Variants in ZNF557 observed in about 807,000 individuals in gnomAD.
The protein encoded by ZNF557 is zinc finger protein 557, also known as CTB-25J19.9.
Under a neutral mutation model 21.2 loss-of-function variants are expected in ZNF557, and 19 were observed. That is an observed-to-expected ratio of 0.90 (90% CI 0.63 to 1.32). ZNF557 has a LOEUF of 1.32. Among genes scored for constraint, ZNF557 ranks in the 40% most tolerant of loss-of-function variants. The pLI is 0.00. For missense variants in ZNF557, 487 were observed against 519.8 expected (o/e 0.94, Z 0.61); for synonymous variants, 207 against 194.8 (o/e 1.06, Z -0.52).
rs11271612 is a variant in ZNF557, at chr19:7,087,202, CTTTTTTTTT to C, written c.*3474_*3482del. On this transcript the variant is annotated 3_prime_UTR_variant, in exon 8 of 8. Coordinates refer to ENST00000252840, the MANE Select transcript of ZNF557 (RefSeq NM_024341.3). Reference sequence around the variant, plus strand: ...GACACAAAGCATAGAGTTAAAAGAGCTTTTTTTTTTTTTTTTTTTTTTTTCTTCACTGTG... The same window carrying C: ...GACACAAAGCATAGAGTTAAAAGAGCTTTTTTTTTTTTTTTCTTCACTGTG... 6 of 51,690 alleles carry C rather than the reference CTTTTTTTTT, an allele frequency of 1.2e-4. No individual in the cohort carries two copies. The highest frequency in any genetic ancestry group is 8.7e-4 in the East Asian group (1 of 1,156). 3.2% of individuals were successfully genotyped at this position (51,690 alleles called of 1,614,324 possible).
intron 5 of ZNF557, among the ~76,000 whole-genome samples, chr19:7,079,780 G>T (rs958694152): frequency 1.3e-5 from 2 of 152,132 alleles, no homozygotes; most frequent in African/African-American, 4.8e-5. Flanking sequence ...ATTTGTCAGA[G>T]ATTTTTTTAA....
chr19:7,081,192 TGTGTGTGTGA>T (rs1164862590), intron 5 of ZNF557, among the ~76,000 whole-genome samples, 158 bp from the exon 6 acceptor site: 866 of 44,922 alleles, frequency 0.019, 17 homozygotes, highest in African/African-American at 0.1. Context: ...TGTGTGTGTG[TGTGTGTGTGA>T]GTGTTTAAGA....
intron 5 of ZNF557, among the ~76,000 whole-genome samples, chr19:7,081,023 T>C (rs574529177): frequency 8.5e-5 from 13 of 152,202 alleles, no homozygotes; most frequent in African/African-American, 3.1e-4. Context: ...GAAATGAAGA[T>C]CTCCTTCTTT....
intron 5 of ZNF557, 46 bp downstream of exon 5, chr19:7,076,553 C>CA: frequency 6.3e-7 from 1 of 1,583,252 alleles, no homozygotes; most frequent in Non-Finnish European, 8.6e-7. Context: ...CTCAGGAAGT[C>CA]AGTCTTTTTT....
chr19:7,075,305 T>A (rs963143486), intron 3 of ZNF557, among the ~76,000 whole-genome samples, 200 bp downstream of exon 3: 2 of 152,148 alleles, frequency 1.3e-5, no homozygotes, highest in African/African-American at 4.8e-5. Context: ...ACCTGTGTGG[T>A]GAATGTGCTG....
intron 2 of ZNF557, among the ~76,000 whole-genome samples, chr19:7,073,187 C>G (rs1977502329): frequency 7.1e-6 from 1 of 140,380 alleles, no homozygotes; most frequent in Non-Finnish European, 1.5e-5. Context: ...GAGTCTTACT[C>G]TCACCCAGGC....
chr19:7,070,086 T>A (rs935587957), intron 1 of ZNF557, among the ~76,000 whole-genome samples: 3 of 152,148 alleles, frequency 2.0e-5, no homozygotes, highest in Admixed American at 2.0e-4. Context: ...TGCTAGCAGC[T>A]CAGCATCCTG....
chr19:7,075,699 G>C lies in ZNF557; in HGVS notation c.76G>C (p.Glu26Gln), dbSNP rs775663962. ...AGCCTCTCAGCGAGAAGGACACACA[G>C]AGGGCGGAGAGCTGGTTAATGAGCT... is the stretch of plus-strand genomic sequence containing the variant. Reference protein sequence around the residue: ...FPASQREGHTEGGELVNELLK... With the variant: ...FPASQREGHTQGGELVNELLK... The change falls in exon 4 of 8, where the codon GAG (glutamate) becomes CAG (glutamine). Residue 26 changes from glutamate to glutamine, a missense_variant. By Grantham distance (29) the Glu-to-Gln change is conservative. Transcript: ENST00000252840. 49 of 1,613,670 alleles carry C rather than the reference G, an allele frequency of 3.0e-5. No individual in the cohort carries two copies. Among genetic ancestry groups the C allele is most frequent in the Non-Finnish European group, 3.8e-5 (45 of 1,179,726 alleles).
At chr19:7,072,725 C>T (rs938356844) in intron 2 of ZNF557, among the ~76,000 whole-genome samples, 4 of 152,174 alleles carry the variant, frequency 2.6e-5, no homozygotes, top group African/African-American at 9.7e-5. Context: ...GCTTCCCAGT[C>T]CCCTTCTTCC....
intron 4 of ZNF557, 33 bp from the exon 5 acceptor site, chr19:7,076,348 C>G (rs775850423): frequency 6.2e-7 from 1 of 1,614,040 alleles, no homozygotes. Flanking sequence ...GGGGGTGGTC[C>G]TTGGCTAAGC....
At chr19:7,079,072 T>G (rs1048617209) in intron 5 of ZNF557, among the ~76,000 whole-genome samples, 4 of 152,132 alleles carry the variant, frequency 2.6e-5, no homozygotes, top group African/African-American at 4.8e-5. Context: ...GAATTCATTC[T>G]CATGGTTTCC....
Position 7,075,338 on chromosome 19 carries a change from G to A in ZNF557, c.31+233G>A, listed in dbSNP as rs371661965. ...CTGGAGCTTTTGAATTCTCCCTTCA[G>A]TTCTTTCTGTGAACCTGATAAAAAC... On this transcript the variant is annotated intron_variant, in intron 3 of 7. Coordinates refer to ENST00000252840, the MANE Select transcript of ZNF557 (RefSeq NM_024341.3). Among the ~76,000 whole-genome samples, 143 of 152,316 alleles carry A rather than the reference G, an allele frequency of 9.4e-4. 3 individuals carry two copies. The South Asian group carries it at 0.016, about 17-fold the overall frequency.
chr19:7,072,522 CTT>C (rs1414814562), intron 2 of ZNF557, among the ~76,000 whole-genome samples: 1 of 152,206 alleles, frequency 6.6e-6, no homozygotes, highest in Non-Finnish European at 1.5e-5. Flanking sequence ...CCTCACCACT[CTT>C]TATAATACCT....
chr19:7,074,157 C>T (rs1438339015), intron 2 of ZNF557, among the ~76,000 whole-genome samples: 5 of 152,006 alleles, frequency 3.3e-5, no homozygotes, highest in South Asian at 2.1e-4. Context: ...TGTGCCATCA[C>T]GCCCAGCTAA....
Position 7,086,525 on chromosome 19 carries a change from C to A in ZNF557, c.*2781C>A, listed in dbSNP as rs1442590331. ...TACAGGTGCCCATCACCATGCCCGG[C>A]TAATTTTTCATATTTTTAGTAGAAA... On this transcript the variant is annotated 3_prime_UTR_variant, in exon 8 of 8. Coordinates refer to ENST00000252840, the MANE Select transcript of ZNF557 (RefSeq NM_024341.3). The A allele has an allele frequency of 6.6e-6, 1 of 151,448 alleles. No individual in the cohort carries two copies. The highest frequency in any genetic ancestry group is 2.4e-5 in the African/African-American group (1 of 41,278). 9.4% of individuals were successfully genotyped at this position (151,448 alleles called of 1,614,324 possible).
chr19:7,073,161 T>TTTTG (rs1977501170), intron 2 of ZNF557, among the ~76,000 whole-genome samples: 3 of 148,954 alleles, frequency 2.0e-5, no homozygotes, highest in African/African-American at 7.4e-5. Context: ...TTTTTTGTTT[T>TTTTG]TTTTTTTTTG....
At position 7,083,331 on chromosome 19, in the gene ZNF557, T is replaced by C. The variant is rs1325266829; in HGVS notation, c.880T>C (p.Cys294Arg). 1 of 1,614,216 alleles carries C rather than the reference T, an allele frequency of 6.2e-7. No individual in the cohort carries two copies. Among genetic ancestry groups the C allele is most frequent in the Admixed American group, 1.7e-5 (1 of 60,016 alleles). Reference sequence around the variant, plus strand: ...TCATACGGGGGAGGGTCATTATGTATGTAATCAGTGTGGAAAGGCTTTCGG... The same window carrying C: ...TCATACGGGGGAGGGTCATTATGTACGTAATCAGTGTGGAAAGGCTTTCGG... ...RVHTGEGHYV[C>R]NQCGKAFGTR... is the part of the protein sequence containing the mutation. The change falls in exon 8 of 8, where the codon TGT (cysteine) becomes CGT (arginine). Residue 294 changes from cysteine to arginine, a missense_variant. Coordinates refer to ENST00000252840, the MANE Select transcript of ZNF557 (RefSeq NM_024341.3).
At position 7,073,509 on chromosome 19, in the gene ZNF557, A is replaced by G. The variant is rs563303390; in HGVS notation, c.-79-1487A>G. ...TACTAAAACTTTCAGGCTTTTACAT[A>G]TAAGTACAAATATATAAACTTTTCA... On this transcript the variant is annotated intron_variant, in intron 2 of 7. Transcript: ENST00000252840. Among the ~76,000 whole-genome samples the G allele has an allele frequency of 2.0e-5, 3 of 152,262 alleles. No individual in the cohort carries two copies. In the East Asian group the frequency reaches 5.8e-4, roughly 29 times the overall value.
At position 7,084,296 on chromosome 19, in the gene ZNF557, T is replaced by C. The variant is rs6510944; in HGVS notation, c.*552T>C. ...ACAGGAGGTATGAACAGTAGACATTTGGAACCATCTGGAAAACTTGCCATG... is the reference window on the plus strand; with the variant it reads ...ACAGGAGGTATGAACAGTAGACATTCGGAACCATCTGGAAAACTTGCCATG... On this transcript the variant is annotated 3_prime_UTR_variant, in exon 8 of 8. Transcript: ENST00000252840. The C allele has an allele frequency of 0.43, 65,970 of 152,590 alleles. 14,496 individuals carry two copies. Among genetic ancestry groups the C allele is most frequent in the East Asian group, 0.53 (2,764 of 5,176 alleles). The allele number at this position is 152,590 out of a possible 1,614,324, so 9.5% of individuals were successfully genotyped here.
Sources: gnomAD v4.1 joint callset for allele counts (sites outside exome capture counted in the v4.1 genomes callset) on GRCh38, gnomAD v4.1.1 for gene constraint, MANE v1.5 for transcripts, NCBI Gene and HGNC (gene_info 2026-07-23, HGNC 2026-07-21) for gene names.